Variants in WDR18 observed in about 807,000 individuals in gnomAD.
WDR18 encodes the protein WD repeat domain 18.
A neutral mutation model predicts 49.6 loss-of-function variants in WDR18; 33 were observed. The observed-to-expected ratio is 0.67, with a 90% CI of 0.50 to 0.89. The LOEUF (loss-of-function observed/expected upper bound fraction) is 0.89, where lower values mean the gene tolerates loss of function less well. WDR18 is among the 40% of genes least tolerant of loss of function. WDR18 has a pLI of 0.00. For missense variants in WDR18, 653 were observed against 593.6 expected, an observed-to-expected ratio of 1.10 and a Z score of -1.04; for synonymous variants, 315 against 263.6, an observed-to-expected ratio of 1.19 and a Z score of -1.89.
chr19:989,200 C>T (rs1471340894), intron 2 of WDR18, among the ~76,000 whole-genome samples: 1 of 141,358 alleles, frequency 7.1e-6, no homozygotes, highest in Non-Finnish European at 1.5e-5. Flanking sequence ...ACAACCCCCC[C>T]CAGAGCATCT....
intron 1 of WDR18, among the ~76,000 whole-genome samples, chr19:985,636 C>G (rs999922903): frequency 6.6e-6 from 1 of 152,128 alleles, no homozygotes; most frequent in Non-Finnish European, 1.5e-5. Context: ...CCCTCTGACC[C>G]TCAGAGGAAG....
In WDR18 at chr19:990,315, G is replaced by T; in HGVS notation, c.548G>T (p.Gly183Val). Reference sequence around the variant, plus strand: ...ATCACGGACCTGCACTGCGGCTTTGGGGGCCCCCTGGCCCGGGTGGCCACC... The same window carrying T: ...ATCACGGACCTGCACTGCGGCTTTGTGGGCCCCCTGGCCCGGGTGGCCACC... Reference protein sequence around the residue: ...LPITDLHCGFGGPLARVATSS... With the variant: ...LPITDLHCGFVGPLARVATSS... The change falls in exon 4 of 10, where the codon GGG becomes GTG. Residue 183 changes from glycine to valine, a missense_variant. Transcript: ENST00000585809. The T allele has an allele frequency of 1.3e-6, 2 of 1,595,558 alleles. No individual in the cohort carries two copies. The highest frequency in any genetic ancestry group is 2.2e-5 in the East Asian group (1 of 44,654).
chr19:984,501 G>A lies in WDR18; in HGVS notation c.148G>A (p.Glu50Lys), dbSNP rs1395769283. 8.4e-6 allele frequency: 13 copies of A among 1,555,992 alleles called. No individual in the cohort carries two copies. In the East Asian group the frequency reaches 3.0e-4, roughly 36 times the overall value. ...CCGCGGCCTGGCGCTGCTCAATGGCGAGTATCTGCTGGCGGCGCAGCTGGG... is the reference window on the plus strand; with the variant it reads ...CCGCGGCCTGGCGCTGCTCAATGGCAAGTATCTGCTGGCGGCGCAGCTGGG... Reference protein sequence around the residue: ...GPRGLALLNGEYLLAAQLGKN... With the variant: ...GPRGLALLNGKYLLAAQLGKN... The change falls in exon 1 of 10, where the codon GAG becomes AAG. Residue 50 changes from glutamate (E) to lysine (K), a missense_variant. Glu to Lys is a moderately conservative substitution (Grantham distance 56, BLOSUM62 1). Transcript: ENST00000585809.
chr19:991,386 G>T (rs2038546179), intron 7 of WDR18, 35 bp downstream of exon 7: 20 of 1,515,146 alleles, frequency 1.3e-5, no homozygotes, highest in Non-Finnish European at 1.6e-5. Flanking sequence ...CGGCCAGCGC[G>T]CAGGGGAAAA....
chr19:993,430 C>A (rs79454716), intron 8 of WDR18, among the ~76,000 whole-genome samples: 1 of 152,230 alleles, frequency 6.6e-6, no homozygotes, highest in African/African-American at 2.4e-5. Context: ...CCCTTCCTCC[C>A]GTGACGGCTG....
intron 8 of WDR18, among the ~76,000 whole-genome samples, chr19:992,853 C>G (rs1195441367): frequency 6.6e-6 from 1 of 152,250 alleles, no homozygotes; most frequent in East Asian, 1.9e-4. Flanking sequence ...ACGTCACTGT[C>G]TGTGTCCCTC....
At position 991,950 on chromosome 19, in the gene WDR18, C is replaced by G; in HGVS notation, c.932-5C>G. ...GGGGCGGGGCCTGACCTCCGCGCCC[C>G]CCAGGCCCAGTCACCAATGCCGCCA... is the stretch of plus-strand genomic sequence containing the variant. On this transcript the variant is annotated splice_region_variant and splice_polypyrimidine_tract_variant and intron_variant, in intron 7 of 9. Coordinates refer to ENST00000585809, the MANE Select transcript of WDR18 (RefSeq NM_024100.4). The G allele has an allele frequency of 6.3e-7, 1 of 1,580,048 alleles. No homozygotes were observed. The highest frequency in any genetic ancestry group is 8.5e-7 in the Non-Finnish European group (1 of 1,170,028).
chr19:989,981 G>T, intron 3 of WDR18, 86 bp downstream of exon 3: 2 of 1,517,042 alleles, frequency 1.3e-6, no homozygotes, highest in Non-Finnish European at 8.8e-7. Context: ...CTGGCGGGAA[G>T]GGGCTTCTCT....
intron 3 of WDR18, 114 bp from the exon 4 acceptor site, chr19:990,109 G>A: frequency 7.1e-7 from 1 of 1,404,984 alleles, no homozygotes; most frequent in Non-Finnish European, 9.4e-7. Flanking sequence ...CTCAGGTGAG[G>A]CAGGCCAGGC....
At position 984,455 on chromosome 19, in the gene WDR18, C is replaced by T; in HGVS notation, c.102C>T (p.Tyr34=). 1.3e-6 allele frequency: 2 copies of T among 1,593,644 alleles called. No homozygotes were observed. The highest frequency in any genetic ancestry group is 1.7e-6 in the Non-Finnish European group (2 of 1,171,804). ...ELHSGANLLT[Y]RGGQAGPRGL... ...ACTCGGGCGCCAACCTGCTCACCTA[C>T]CGCGGCGGCCAGGCGGGACCCCGCG... The change falls in exon 1 of 10, where the codon TAC becomes TAT. Residue 34 remains tyrosine (Y), a synonymous_variant. Coordinates refer to ENST00000585809, the MANE Select transcript of WDR18 (RefSeq NM_024100.4).
chr19:984,331 T>G (rs753293244), upstream of WDR18: 2 of 1,570,458 alleles, frequency 1.3e-6, no homozygotes, highest in Non-Finnish European at 1.7e-6. Context: ...ATGACGCACG[T>G]CCGGGGCGGT....
At chr19:992,353 G>A (rs1015175322) in intron 8 of WDR18, among the ~76,000 whole-genome samples, 1 of 152,242 alleles carries the variant, frequency 6.6e-6, no homozygotes, top group African/African-American at 2.4e-5. Flanking sequence ...CCGGCCAGCA[G>A]GGCCGAGCTG....
chr19:990,149 G>T, intron 3 of WDR18, 74 bp from the exon 4 acceptor site: 1 of 1,483,660 alleles, frequency 6.7e-7, no homozygotes, highest in South Asian at 1.3e-5. Flanking sequence ...TGTGCGTGAG[G>T]TGGGTGCTGG....
intron 8 of WDR18, among the ~76,000 whole-genome samples, chr19:992,592 C>T (rs1389519330): frequency 1.3e-5 from 2 of 152,176 alleles, no homozygotes; most frequent in African/African-American, 4.8e-5. Context: ...ACAGTCACGC[C>T]CTCACTCCCT....
At chr19:993,968 TGTG>T (rs2038595582) in intron 8 of WDR18, 49 bp from the exon 9 acceptor site, 2 of 1,538,100 alleles carry the variant, frequency 1.3e-6, no homozygotes, top group South Asian at 1.2e-5. Flanking sequence ...GGGCAAAGCG[TGTG>T]GTGTGTGACA....
chr19:984,211 A>G, upstream of WDR18: 4 of 893,668 alleles, frequency 4.5e-6, no homozygotes, highest in Non-Finnish European at 6.4e-6. Context: ...CCACTTCACA[A>G]GAAAGCCCCT....
chr19:992,145 C>G, intron 8 of WDR18, 24 bp downstream of exon 8: 2 of 1,435,000 alleles, frequency 1.4e-6, no homozygotes, highest in Non-Finnish European at 1.8e-6. Context: ...CAGGGAACCC[C>G]CACTGCCCTT....
Position 991,958 on chromosome 19 carries a change from C to G in WDR18, c.935C>G (p.Pro312Arg). 6.3e-7 allele frequency: 1 copy of G among 1,586,474 alleles called. No homozygotes were observed. The highest frequency in any genetic ancestry group is 1.1e-5 in the South Asian group (1 of 88,932). ...GCCTGACCTCCGCGCCCCCCAGGCC[C>G]AGTCACCAATGCCGCCATCCTGCTG... ...QCIRTVALKG[P>R]VTNAAILLAP... Residue 312 changes from proline (P) to arginine (R), a missense_variant, in exon 8 of 10, where the codon CCA becomes CGA. Physicochemically the swap from Pro to Arg is moderately radical, Grantham distance 103. Coordinates refer to ENST00000585809, the MANE Select transcript of WDR18 (RefSeq NM_024100.4).
chr19:984,200 C>G (rs1004759521), upstream of WDR18: 105 of 820,562 alleles, frequency 1.3e-4, no homozygotes, highest in Non-Finnish European at 1.8e-4. Flanking sequence ...AGCGGGAAAT[C>G]CCACTTCACA....
Sources: allele counts gnomAD v4.1 joint callset (sites outside exome capture counted in the v4.1 genomes callset), GRCh38; gene constraint gnomAD v4.1.1; transcripts MANE v1.5; gene names NCBI Gene and HGNC (gene_info 2026-07-23, HGNC 2026-07-21).